The following CLSTN2 variants were observed in gnomAD, a reference collection of about 807,000 sequenced individuals.
CLSTN2 encodes calsyntenin-2.
In CLSTN2, 48 loss-of-function variants were observed where a neutral mutation model predicts 101.2. The ratio of observed to expected loss-of-function variants is 0.47; its 90% CI spans 0.38 to 0.60. The LOEUF is 0.60. Among genes scored for constraint, CLSTN2 ranks in the 20% least tolerant of loss-of-function variants. CLSTN2 has a pLI of 0.00. For synonymous variants in CLSTN2, 481 were observed against 463.6 expected, an observed-to-expected ratio of 1.04 and a Z score of -0.48; for missense variants, 1,160 against 1,238.2, an observed-to-expected ratio of 0.94 and a Z score of 0.95.
intron 1 of CLSTN2, among the ~76,000 whole-genome samples, chr3:140,113,181 T>A (rs1290152779): frequency 6.6e-6 from 1 of 152,172 alleles, no homozygotes; most frequent in Non-Finnish European, 1.5e-5. Flanking sequence ...TGCAGTTTCT[T>A]TCTCCCACTC....
intron 2 of CLSTN2, among the ~76,000 whole-genome samples, chr3:140,388,253 A>C (rs1444255874): frequency 6.6e-6 from 1 of 152,372 alleles, no homozygotes. Flanking sequence ...CTGACTGTAA[A>C]TAATGAAAAT....
intron 8 of CLSTN2, among the ~76,000 whole-genome samples, chr3:140,476,966 G>A (rs1934001205): frequency 6.6e-6 from 1 of 152,098 alleles, no homozygotes; most frequent in South Asian, 2.1e-4. Flanking sequence ...GCCTGTTTTA[G>A]CATCTTTTGA....
intron 2 of CLSTN2, among the ~76,000 whole-genome samples, chr3:140,232,844 T>G (rs1328435109): frequency 6.6e-6 from 1 of 152,162 alleles, no homozygotes; most frequent in East Asian, 1.9e-4. Context: ...TTTGTTATAC[T>G]ACCCCCTCTC....
chr3:140,133,600 A>G (rs2009555680), intron 1 of CLSTN2, among the ~76,000 whole-genome samples: 1 of 152,036 alleles, frequency 6.6e-6, no homozygotes, highest in African/African-American at 2.4e-5. Context: ...CTGAAGGTCA[A>G]CTCCTGAATA....
intron 8 of CLSTN2, among the ~76,000 whole-genome samples, chr3:140,470,337 C>T (rs754558911): frequency 5.9e-5 from 9 of 152,178 alleles, no homozygotes; most frequent in Non-Finnish European, 1.3e-4. Flanking sequence ...GGGCTGGGGC[C>T]GGATCAGGGG....
intron 2 of CLSTN2, among the ~76,000 whole-genome samples, chr3:140,196,675 G>A (rs1314683259): frequency 6.6e-6 from 1 of 152,174 alleles, no homozygotes; most frequent in African/African-American, 2.4e-5. Flanking sequence ...GAAACAGAAA[G>A]AGGCAGCCAG....
chr3:140,259,407 G>A (rs1361779317), intron 2 of CLSTN2, among the ~76,000 whole-genome samples: 4 of 152,148 alleles, frequency 2.6e-5, no homozygotes, highest in African/African-American at 7.2e-5. Flanking sequence ...TCAGGAGGCA[G>A]AGGTTGCAAT....
At chr3:140,260,904 G>C (rs2086645269) in intron 2 of CLSTN2, among the ~76,000 whole-genome samples, 2 of 152,106 alleles carry the variant, frequency 1.3e-5, no homozygotes. Context: ...GAATTTATCT[G>C]ATAGTTTTTC....
intron 1 of CLSTN2, among the ~76,000 whole-genome samples, chr3:139,990,582 A>C (rs917635596): frequency 6.6e-6 from 1 of 152,224 alleles, no homozygotes; most frequent in Non-Finnish European, 1.5e-5. Flanking sequence ...TTTTTACTGA[A>C]AGTCCCTAGT....
At chr3:140,206,467 A>G (rs1576466984) in intron 2 of CLSTN2, among the ~76,000 whole-genome samples, 1 of 152,312 alleles carries the variant, frequency 6.6e-6, no homozygotes, top group Non-Finnish European at 1.5e-5. Context: ...CCCAGCCAGC[A>G]GGAAATGAGC....
intron 2 of CLSTN2, among the ~76,000 whole-genome samples, chr3:140,344,931 A>T (rs1205737519): frequency 6.6e-6 from 1 of 152,178 alleles, no homozygotes; most frequent in African/African-American, 2.4e-5. Flanking sequence ...GGAGAAGCAC[A>T]GAAAGAAATG....
chr3:140,529,275 T>C (rs908098662), intron 8 of CLSTN2, among the ~76,000 whole-genome samples: 17 of 152,198 alleles, frequency 1.1e-4, no homozygotes, highest in South Asian at 4.1e-4. Context: ...TTACCAGCTA[T>C]GCTGCAGCTG....
At chr3:140,305,274 C>T (rs373475961) in intron 2 of CLSTN2, among the ~76,000 whole-genome samples, 8 of 152,164 alleles carry the variant, frequency 5.3e-5, no homozygotes, top group African/African-American at 1.9e-4. Flanking sequence ...ATAGCCTGTT[C>T]ATGCTCATTT....
chr3:140,169,540 T>C (rs1259541975), intron 1 of CLSTN2, among the ~76,000 whole-genome samples: 1 of 152,168 alleles, frequency 6.6e-6, no homozygotes, highest in African/African-American at 2.4e-5. Context: ...CTTGTATTCT[T>C]CCTGTTCTTG....
chr3:140,520,944 GTTA>G (rs1044111371), intron 8 of CLSTN2, among the ~76,000 whole-genome samples: 1 of 151,578 alleles, frequency 6.6e-6, no homozygotes, highest in South Asian at 2.1e-4. Context: ...GGTCTATTCT[GTTA>G]TTGATACTCA....
At chr3:140,460,185 G>C (rs1323082692) in intron 7 of CLSTN2, 1 of 192,340 alleles carries the variant, frequency 5.2e-6, no homozygotes, top group Non-Finnish European at 1.1e-5. Flanking sequence ...GCTATCTTTT[G>C]AATAAAGTAC....
intron 1 of CLSTN2, among the ~76,000 whole-genome samples, chr3:140,041,608 C>G (rs2007763244): frequency 6.6e-6 from 1 of 152,204 alleles, no homozygotes; most frequent in Admixed American, 6.5e-5. Context: ...GTACAAACTC[C>G]TTGTAGCTTT....
At chr3:140,489,297 A>G (rs554448978) in intron 8 of CLSTN2, among the ~76,000 whole-genome samples, 1 of 152,192 alleles carries the variant, frequency 6.6e-6, no homozygotes, top group Non-Finnish European at 1.5e-5. Flanking sequence ...ACTCCATAAT[A>G]GTTCATTAAG....
At chr3:140,023,681 G>A (rs1478320742) in intron 1 of CLSTN2, among the ~76,000 whole-genome samples, 1 of 152,172 alleles carries the variant, frequency 6.6e-6, no homozygotes, top group East Asian at 1.9e-4. Context: ...CTCAAGCTGA[G>A]CACCAGCCCC....
Sources: gnomAD v4.1 joint callset for allele counts (sites outside exome capture counted in the v4.1 genomes callset) on GRCh38, gnomAD v4.1.1 for gene constraint, MANE v1.5 for transcripts, NCBI Gene and HGNC (gene_info 2026-07-23, HGNC 2026-07-21) for gene names.